The following GSTCD variants were observed in gnomAD, a reference collection of about 807,000 sequenced individuals.
The protein encoded by GSTCD is glutathione S-transferase C-terminal domain containing, also known as glutathione S-transferase C-terminal domain-containing protein.
Under a neutral mutation model 68.3 loss-of-function variants are expected in GSTCD, and 44 were observed. The observed-to-expected ratio is 0.64, with a 90% confidence interval of 0.51 to 0.83. GSTCD has a LOEUF of 0.83. Ranked by LOEUF, GSTCD falls within the 40% of genes least tolerant of loss-of-function variation. GSTCD has a pLI of 0.00. For synonymous variants in GSTCD, 273 were observed against 255.2 expected (o/e 1.07, Z -0.67); for missense variants, 739 against 735.9 (o/e 1.00, Z -0.05).
intron 8 of GSTCD, among the ~76,000 whole-genome samples, chr4:105,833,072 G>A (rs1304173815): frequency 6.6e-6 from 1 of 152,344 alleles, no homozygotes; most frequent in East Asian, 1.9e-4. Context: ...AGGAATTCAG[G>A]AGGAGGATTA....
chr4:105,806,673 A>G (rs1236123184), intron 5 of GSTCD, among the ~76,000 whole-genome samples: 1 of 152,118 alleles, frequency 6.6e-6, no homozygotes, highest in Non-Finnish European at 1.5e-5. Context: ...CTTAGTGTAT[A>G]TAAGTATTTC....
rs1243643980 is a variant in GSTCD at position 105,719,364 on chromosome 4, C to T, written c.731C>T (p.Ser244Leu). The change falls in exon 3 of 12, where the codon TCA (serine) becomes TTA (leucine). Residue 244 changes from serine to leucine, a missense_variant. Physicochemically the swap from Ser to Leu is moderately radical, Grantham distance 145 (BLOSUM62 -2). Coordinates refer to ENST00000515279, the MANE Select transcript of GSTCD (RefSeq NM_001370181.1). ...AGTCTGGAACTGAAAGTGGCATTCTCAAAGCTCACAGTACAGGAAGAACCA... is the reference window on the plus strand; with the variant it reads ...AGTCTGGAACTGAAAGTGGCATTCTTAAAGCTCACAGTACAGGAAGAACCA... ...SKSLELKVAF[S>L]KLTVQEEPAT... is the part of the protein sequence containing the mutation. 1 of 1,614,112 alleles carries T rather than the reference C, an allele frequency of 6.2e-7. No individual in the cohort carries two copies. Among genetic ancestry groups the T allele is most frequent in the East Asian group, 2.2e-5 (1 of 44,886 alleles).
chr4:105,715,759 T>C (rs2149203295), intron 1 of GSTCD, among the ~76,000 whole-genome samples: 3 of 146,260 alleles, frequency 2.1e-5, no homozygotes, highest in Middle Eastern at 7.2e-3. Context: ...ACATTTTGAA[T>C]ACACTTAAAA....
At position 105,719,369 on chromosome 4, in the gene GSTCD, C is replaced by T. The variant is rs779323571; in HGVS notation, c.736C>T (p.Leu246Phe). The T allele has an allele frequency of 2.0e-5, 33 of 1,614,118 alleles. No individual in the cohort carries two copies. The highest frequency in any genetic ancestry group is 2.7e-5 in the Non-Finnish European group (32 of 1,179,986). The part of the protein sequence containing the change: ...SLELKVAFSK[L>F]TVQEEPATTN... ...GGAACTGAAAGTGGCATTCTCAAAG[C>T]TCACAGTACAGGAAGAACCAGCTAC... Residue 246 changes from leucine (L) to phenylalanine (F), a missense_variant, in exon 3 of 12, where the codon CTC becomes TTC. Leu to Phe is a conservative substitution (Grantham distance 22, BLOSUM62 0). Coordinates refer to ENST00000515279, the MANE Select transcript of GSTCD (RefSeq NM_001370181.1).
intron 5 of GSTCD, among the ~76,000 whole-genome samples, chr4:105,732,264 T>C (rs1207108667): frequency 6.6e-6 from 1 of 152,222 alleles, no homozygotes; most frequent in Non-Finnish European, 1.5e-5. Flanking sequence ...TCAGAAGGAA[T>C]GGTACCAGCT....
chr4:105,753,697 C>G (rs1278784700), intron 5 of GSTCD, among the ~76,000 whole-genome samples: 1 of 152,056 alleles, frequency 6.6e-6, no homozygotes, highest in East Asian at 1.9e-4. Flanking sequence ...TGTGGGAGGT[C>G]ATAGAATCAA....
intron 5 of GSTCD, among the ~76,000 whole-genome samples, chr4:105,771,117 G>A (rs1258025711): frequency 1.3e-5 from 2 of 151,980 alleles, no homozygotes; most frequent in African/African-American, 4.8e-5. Flanking sequence ...TTTCTCTAAC[G>A]AACAGTGATG....
intron 8 of GSTCD, among the ~76,000 whole-genome samples, chr4:105,833,868 A>C (rs1724004085): frequency 6.6e-6 from 1 of 152,180 alleles, no homozygotes; most frequent in African/African-American, 2.4e-5. Flanking sequence ...AATCCTTTTA[A>C]AATAAACTCA....
intron 5 of GSTCD, among the ~76,000 whole-genome samples, chr4:105,788,721 CCTAA>C (rs1200323158): frequency 6.6e-6 from 1 of 151,906 alleles, no homozygotes; most frequent in Non-Finnish European, 1.5e-5. Flanking sequence ...AATGCAGGTA[CCTAA>C]CTGACACATA....
chr4:105,750,386 G>A (rs1418841687), intron 5 of GSTCD, among the ~76,000 whole-genome samples: 1 of 151,480 alleles, frequency 6.6e-6, no homozygotes, highest in Non-Finnish European at 1.5e-5. Context: ...CTTGAATCTG[G>A]GAGGCGGAGG....
intron 8 of GSTCD, among the ~76,000 whole-genome samples, chr4:105,830,899 C>T (rs1276692384): frequency 1.3e-5 from 2 of 151,926 alleles, no homozygotes; most frequent in Admixed American, 6.6e-5. Context: ...AAAAAAAAGG[C>T]CAAAAGCTCT....
At chr4:105,842,284 A>G (rs537234965) in intron 11 of GSTCD, 150 bp downstream of exon 11, 3 of 631,940 alleles carry the variant, frequency 4.7e-6, no homozygotes, top group Non-Finnish European at 8.5e-6. Context: ...AACTTAATTC[A>G]TATTGAAAAG....
chr4:105,741,263 G>C (rs1176508965), intron 5 of GSTCD, among the ~76,000 whole-genome samples: 1 of 152,004 alleles, frequency 6.6e-6, no homozygotes, highest in Non-Finnish European at 1.5e-5. Context: ...GGAGAATTAA[G>C]ATTTCTGCCC....
At chr4:105,712,959 A>G (rs1005289978) in intron 1 of GSTCD, among the ~76,000 whole-genome samples, 16 of 152,162 alleles carry the variant, frequency 1.1e-4, no homozygotes, top group Admixed American at 9.8e-4. Context: ...TCATATTTAA[A>G]GCTATGGCAC....
chr4:105,837,233 C>A (rs1277861573), intron 9 of GSTCD, among the ~76,000 whole-genome samples: 1 of 152,176 alleles, frequency 6.6e-6, no homozygotes, highest in African/African-American at 2.4e-5. Flanking sequence ...AACCCAGAGC[C>A]CTTATCCCAC....
chr4:105,789,021 G>T (rs910470389), intron 5 of GSTCD, among the ~76,000 whole-genome samples: 2 of 152,064 alleles, frequency 1.3e-5, no homozygotes, highest in African/African-American at 4.8e-5. Flanking sequence ...TCAAGGGGAA[G>T]TGACCAAATC....
At chr4:105,766,328 CAA>C (rs983668404) in intron 5 of GSTCD, among the ~76,000 whole-genome samples, 1 of 152,126 alleles carries the variant, frequency 6.6e-6, no homozygotes, top group African/African-American at 2.4e-5. Context: ...CTATGGGAAA[CAA>C]AGAGAAGAGA....
chr4:105,823,122 T>C (rs1723395132), intron 6 of GSTCD, 53 bp downstream of exon 6: 1 of 1,571,478 alleles, frequency 6.4e-7, no homozygotes, highest in Non-Finnish European at 8.8e-7. Context: ...TATGAGACTT[T>C]TCTATATTAC....
chr4:105,746,604 T>C (rs1315973786), intron 5 of GSTCD, among the ~76,000 whole-genome samples: 1 of 123,170 alleles, frequency 8.1e-6, no homozygotes, highest in African/African-American at 3.0e-5. Context: ...ACTGATTGAA[T>C]TGATGTTTCT....
Sources: gnomAD v4.1 joint callset for allele counts (sites outside exome capture counted in the v4.1 genomes callset) on GRCh38, gnomAD v4.1.1 for gene constraint, MANE v1.5 for transcripts, NCBI Gene and HGNC (gene_info 2026-07-23, HGNC 2026-07-21) for gene names.